VPS13B: variants seen among roughly 807,000 people sequenced by gnomAD.
The protein encoded by VPS13B is intermembrane lipid transfer protein VPS13B.
In VPS13B, 285 loss-of-function variants were observed where a neutral mutation model predicts 426.4. That is an observed-to-expected ratio of 0.67 (90% CI 0.61 to 0.74). The LOEUF (loss-of-function observed/expected upper bound fraction) is 0.74, where lower values mean the gene tolerates loss of function less well. VPS13B is among the 30% of genes least tolerant of loss of function. VPS13B has a pLI of 0.00. For missense variants in VPS13B, 4,537 were observed against 4,782.6 expected (o/e 0.95, Z 1.51); for synonymous variants, 1,676 against 1,676.4 (o/e 1.00, Z 0.01).
At chr8:99,432,169 C>T (rs1588373239) in intron 22 of VPS13B, among the ~76,000 whole-genome samples, 1 of 151,966 alleles carries the variant, frequency 6.6e-6, no homozygotes, top group Non-Finnish European at 1.5e-5. Context: ...TACTTTCTTT[C>T]AAGATCATGT....
intron 21 of VPS13B, among the ~76,000 whole-genome samples, chr8:99,392,651 A>G (rs1814507515): frequency 6.6e-6 from 1 of 152,134 alleles, no homozygotes; most frequent in South Asian, 2.1e-4. Context: ...ATGCAAGGAA[A>G]TTCAAATTAG....
At chr8:99,178,236 C>T (rs1812746631) in intron 16 of VPS13B, among the ~76,000 whole-genome samples, 1 of 151,704 alleles carries the variant, frequency 6.6e-6, no homozygotes, top group African/African-American at 2.4e-5. Context: ...ATACATGTGC[C>T]ATGCTGGTGC....
intron 33 of VPS13B, among the ~76,000 whole-genome samples, chr8:99,622,696 C>T (rs1331978531): frequency 6.6e-6 from 1 of 152,124 alleles, no homozygotes; most frequent in Non-Finnish European, 1.5e-5. Context: ...TGATTTTTCC[C>T]TTTCTCCAAT....
chr8:99,697,206 G>A (rs1379767871), intron 35 of VPS13B: 2 of 562,286 alleles, frequency 3.6e-6, no homozygotes, highest in Non-Finnish European at 6.5e-6. Flanking sequence ...GGGTGGGCAA[G>A]TGCACAAGGT....
intron 21 of VPS13B, among the ~76,000 whole-genome samples, chr8:99,417,220 A>G (rs1275119617): frequency 2.6e-5 from 4 of 152,178 alleles, no homozygotes; most frequent in Non-Finnish European, 5.9e-5. Context: ...TCCCTGGATT[A>G]TATTTAGTTT....
intron 23 of VPS13B, among the ~76,000 whole-genome samples, chr8:99,450,436 C>G (rs889015333): frequency 6.6e-6 from 1 of 152,142 alleles, no homozygotes; most frequent in African/African-American, 2.4e-5. Context: ...TTCTTTTCTG[C>G]CACGTGTGGT....
At chr8:99,087,168 C>T (rs555617266) in intron 3 of VPS13B, among the ~76,000 whole-genome samples, 1 of 152,176 alleles carries the variant, frequency 6.6e-6, no homozygotes, top group Non-Finnish European at 1.5e-5. Flanking sequence ...GGCGCCCCCT[C>T]CCCCAGCCTC....
Position 99,575,799 on chromosome 8 carries a change from T to C in VPS13B, c.5076+15T>C. 2 of 1,611,510 alleles carry C rather than the reference T, an allele frequency of 1.2e-6. No individual in the cohort carries two copies. The highest frequency in any genetic ancestry group is 8.5e-7 in the Non-Finnish European group (1 of 1,178,418). On this transcript the variant is annotated intron_variant, in intron 32 of 61. Coordinates refer to ENST00000357162, the MANE Select transcript of VPS13B (RefSeq NM_152564.5). ...TGCATACTGAGGTTAGAACATAATT[T>C]TGATTTTATTTTAGTCTAAATAATG...
In VPS13B at chr8:99,875,407, T is replaced by C. The variant is rs947865858; in HGVS notation, c.11746-11T>C. 7.4e-6 allele frequency: 12 copies of C among 1,614,078 alleles called. No individual in the cohort carries two copies. The highest frequency in any genetic ancestry group is 5.0e-5 in the Admixed American group (3 of 60,006). ...GTCTGGCAACTAATCTTTATTATTT[T>C]TGGATCCTAGGTAGATGGAGTCCGA... On this transcript the variant is annotated splice_polypyrimidine_tract_variant and intron_variant, in intron 61 of 61. Transcript: ENST00000357162.
At chr8:99,384,095 G>A (rs1411316974) in intron 19 of VPS13B, 113 bp from the exon 20 acceptor site, 5 of 904,334 alleles carry the variant, frequency 5.5e-6, no homozygotes, top group African/African-American at 3.3e-5. Flanking sequence ...CCTTTCCAAC[G>A]CTTGTTACTG....
At chr8:99,219,170 G>A (rs77920967) in intron 17 of VPS13B, among the ~76,000 whole-genome samples, 1,827 of 152,232 alleles carry the variant, frequency 0.012, 29 homozygotes, top group African/African-American at 0.041. Flanking sequence ...TAGGCCATTG[G>A]CAATAACGAT....
intron 2 of VPS13B, among the ~76,000 whole-genome samples, chr8:99,019,773 A>G (rs1175750560): frequency 1.3e-5 from 2 of 152,198 alleles, no homozygotes; most frequent in African/African-American, 4.8e-5. Context: ...TTCACTTAGC[A>G]CAATGTCTCA....
chr8:99,575,269 A>G (rs944695496), intron 31 of VPS13B, among the ~76,000 whole-genome samples: 1 of 152,254 alleles, frequency 6.6e-6, no homozygotes, highest in Non-Finnish European at 1.5e-5. Flanking sequence ...GACAGCAGTT[A>G]TCAAATAGAA....
At chr8:99,747,833 T>C (rs1040883547) in intron 39 of VPS13B, among the ~76,000 whole-genome samples, 5 of 152,018 alleles carry the variant, frequency 3.3e-5, no homozygotes, top group Non-Finnish European at 7.4e-5. Context: ...AAGGGTATCT[T>C]GTTCCAAGAA....
At chr8:99,712,904 C>T (rs571573111) in intron 36 of VPS13B, among the ~76,000 whole-genome samples, 13 of 151,708 alleles carry the variant, frequency 8.6e-5, no homozygotes, top group African/African-American at 2.4e-4. Flanking sequence ...AATTGTATAA[C>T]GTTGGGGGGG....
At chr8:99,516,402 C>G (rs1822072708) in intron 29 of VPS13B, among the ~76,000 whole-genome samples, 1 of 152,068 alleles carries the variant, frequency 6.6e-6, no homozygotes, top group Non-Finnish European at 1.5e-5. Flanking sequence ...TCATTAATGA[C>G]TCTAGTAAGT....
chr8:99,025,112 A>G (rs993415817), intron 2 of VPS13B, among the ~76,000 whole-genome samples: 11 of 152,172 alleles, frequency 7.2e-5, no homozygotes, highest in Non-Finnish European at 5.9e-5. Context: ...GTATGGAAAC[A>G]CTACTGATTT....
chr8:99,608,333 G>A (rs1022735780), intron 33 of VPS13B, among the ~76,000 whole-genome samples: 1 of 148,396 alleles, frequency 6.7e-6, no homozygotes, highest in Admixed American at 6.8e-5. Context: ...TTTTTGTAGT[G>A]ACAGAGTCTT....
rs529661588 is a variant in VPS13B, at chr8:99,290,119, A to G, written c.2824+14865A>G. ...TCTTGGTGCTGGAACCTTATGATAT[A>G]AAGATGAACGAGACCCTTTTATCTC... On this transcript the variant is annotated intron_variant, in intron 19 of 61. Transcript: ENST00000357162. Among the ~76,000 whole-genome samples the G allele has an allele frequency of 2.0e-5, 3 of 152,174 alleles. No homozygotes were observed. In the South Asian group the frequency reaches 6.2e-4, roughly 32 times the overall value.
Sources: gnomAD v4.1 joint callset for allele counts (sites outside exome capture counted in the v4.1 genomes callset) on GRCh38, gnomAD v4.1.1 for gene constraint, MANE v1.5 for transcripts, NCBI Gene and HGNC (gene_info 2026-07-23, HGNC 2026-07-21) for gene names.